The following ZNF813 variants were observed in gnomAD, a reference collection of about 807,000 sequenced individuals.
ZNF813 encodes the protein zinc finger protein 813.
In ZNF813, 3 loss-of-function variants were observed where a neutral mutation model predicts 7.2. The ratio of observed to expected loss-of-function variants is 0.42; its 90% CI spans 0.19 to 1.08. The LOEUF (loss-of-function observed/expected upper bound fraction) is 1.08. Among genes scored for constraint, ZNF813 ranks in the 50% least tolerant of loss-of-function variants. The probability of loss-of-function intolerance (pLI) is 0.30; values close to 1 mark genes in which losing one functional copy is unlikely to be tolerated. For synonymous variants in ZNF813, 227 were observed against 256.3 expected, an observed-to-expected ratio of 0.89 and a Z score of 1.09; for missense variants, 714 against 753.3, an observed-to-expected ratio of 0.95 and a Z score of 0.61.
chr19:53,490,826 T>G lies in ZNF813; in HGVS notation c.594T>G (p.Asn198Lys), dbSNP rs2086456753. 6.2e-7 allele frequency: 1 copy of G among 1,613,996 alleles called. No homozygotes were observed. The highest frequency in any genetic ancestry group is 8.5e-7 in the Non-Finnish European group (1 of 1,179,950). ...ATAACTATGGGAATAATTTCCGGAA[T>G]TCTTCGTTACTCACACAAAAACAGG... ...ISNNYGNNFR[N>K]SSLLTQKQEV... The change falls in exon 4 of 4, where the codon AAT becomes AAG. Residue 198 changes from asparagine to lysine, a missense_variant. Asn to Lys is a moderately conservative substitution (Grantham distance 94). This residue lies in a region of ZNF813 where 563 missense variants were observed against 554.2 expected (regional missense o/e 1.02). Transcript: ENST00000396403.
chr19:53,475,291 G>A (rs1311467362), intron 1 of ZNF813, among the ~76,000 whole-genome samples: 13 of 152,348 alleles, frequency 8.5e-5, no homozygotes, highest in African/African-American at 3.1e-4. Flanking sequence ...CAGAGGCTGA[G>A]CCTCTACTAC....
At chr19:53,479,228 C>T in intron 1 of ZNF813, 1 of 980,658 alleles carries the variant, frequency 1.0e-6, no homozygotes, top group East Asian at 3.0e-5. Context: ...AGCAACCACG[C>T]CCAGCTGAGA....
intron 1 of ZNF813, among the ~76,000 whole-genome samples, chr19:53,471,669 A>G (rs1043141967): frequency 2.6e-5 from 4 of 151,746 alleles, no homozygotes; most frequent in Non-Finnish European, 4.4e-5. Context: ...GCAATTAGCC[A>G]GTCTTGGTGG....
intron 1 of ZNF813, among the ~76,000 whole-genome samples, chr19:53,482,724 T>TG (rs1397241275): frequency 3.1e-5 from 4 of 127,408 alleles, no homozygotes; most frequent in African/African-American, 9.1e-5. Flanking sequence ...TTTTTTTTTT[T>TG]TTTTTTTTTT....
At chr19:53,471,170 G>C (rs986505144) in intron 1 of ZNF813, among the ~76,000 whole-genome samples, 1 of 152,056 alleles carries the variant, frequency 6.6e-6, no homozygotes, top group Non-Finnish European at 1.5e-5. Context: ...CCCTGTTGCA[G>C]TGGGAGTGAG....
At chr19:53,473,681 G>A (rs1286428145) in intron 1 of ZNF813, among the ~76,000 whole-genome samples, 1 of 152,248 alleles carries the variant, frequency 6.6e-6, no homozygotes. Flanking sequence ...TACTGGATCT[G>A]TCAGACTTAT....
In ZNF813 at chr19:53,492,205, GAAAC is replaced by G. The variant is rs964269936; in HGVS notation, c.*122_*125del. ...AATTCATAAGAATTCATACTGGAGA[GAAAC>G]AAGTGTAATGAACGTTGCAAAATTT... On this transcript the variant is annotated 3_prime_UTR_variant, in exon 4 of 4. Transcript: ENST00000396403. 4.2e-5 allele frequency: 62 copies of G among 1,462,578 alleles called. No individual in the cohort carries two copies. The highest frequency in any genetic ancestry group is 1.6e-4 in the Admixed American group (7 of 43,934). 90.6% of individuals were successfully genotyped at this position (1,462,578 alleles called of 1,614,324 possible).
intron 1 of ZNF813, among the ~76,000 whole-genome samples, chr19:53,468,472 G>A (rs1188801666): frequency 6.6e-6 from 1 of 152,200 alleles, no homozygotes; most frequent in Non-Finnish European, 1.5e-5. Flanking sequence ...GCATACGGAG[G>A]ACCGGCACCA....
At chr19:53,475,465 G>A (rs1420503566) in intron 1 of ZNF813, among the ~76,000 whole-genome samples, 7 of 152,284 alleles carry the variant, frequency 4.6e-5, no homozygotes, top group Admixed American at 3.3e-4. Context: ...GTTATGGAGA[G>A]GAGCTGCCTG....
At chr19:53,471,130 T>G (rs1365687324) in intron 1 of ZNF813, among the ~76,000 whole-genome samples, 3 of 152,212 alleles carry the variant, frequency 2.0e-5, no homozygotes, top group Non-Finnish European at 4.4e-5. Context: ...TTCTTTAATT[T>G]TATTGTAGAC....
At chr19:53,484,793 T>C (rs2086424758) in intron 2 of ZNF813, among the ~76,000 whole-genome samples, 1 of 152,260 alleles carries the variant, frequency 6.6e-6, no homozygotes, top group Non-Finnish European at 1.5e-5. Flanking sequence ...CTCAAACTGC[T>C]GATCTCAGGT....
chr19:53,483,341 A>C (rs562424220), intron 1 of ZNF813, among the ~76,000 whole-genome samples: 1 of 151,852 alleles, frequency 6.6e-6, no homozygotes, highest in African/African-American at 2.4e-5. Flanking sequence ...GATGTGCACA[A>C]CCATGCCTGG....
chr19:53,472,441 A>C (rs1384501945), intron 1 of ZNF813, among the ~76,000 whole-genome samples: 1 of 151,928 alleles, frequency 6.6e-6, no homozygotes, highest in Non-Finnish European at 1.5e-5. Context: ...GAAATAGGCC[A>C]TCGGTAAAAG....
intron 1 of ZNF813, among the ~76,000 whole-genome samples, chr19:53,468,741 G>A (rs1160106383): frequency 6.6e-6 from 1 of 152,296 alleles, no homozygotes; most frequent in Admixed American, 6.5e-5. Flanking sequence ...CTCGCCTCCA[G>A]CCACAGGGCG....
In ZNF813 at chr19:53,495,330, A is replaced by T. The variant is rs143329156; in HGVS notation, c.*3244A>T. The stretch of plus-strand genomic sequence containing the variant: ...AACCTCTGCCTCCCGGGTTCAAGTG[A>T]TTCTCCTGTCTCTGCCTCCTTAGTA... On this transcript the variant is annotated 3_prime_UTR_variant, in exon 4 of 4. Transcript: ENST00000396403. 1 of 151,992 alleles carries T rather than the reference A, an allele frequency of 6.6e-6. No homozygotes were observed. The highest frequency in any genetic ancestry group is 2.4e-5 in the African/African-American group (1 of 41,462). 9.4% of individuals were successfully genotyped at this position (151,992 alleles called of 1,614,324 possible). A position where few individuals can be genotyped will look rare whatever the true frequency, so the allele number is the denominator to read the frequency against.
chr19:53,476,381 G>A (rs62115394), intron 1 of ZNF813, among the ~76,000 whole-genome samples: 73,906 of 151,608 alleles, frequency 0.49, 19,578 homozygotes, highest in Non-Finnish European at 0.59. Context: ...CTGTAATCCC[G>A]GCACTTCAGG....
At position 53,490,831 on chromosome 19, in the gene ZNF813, C is replaced by T. The variant is rs762336219; in HGVS notation, c.599C>T (p.Ser200Leu). 9.3e-6 allele frequency: 15 copies of T among 1,614,046 alleles called. No homozygotes were observed. Among genetic ancestry groups the T allele is most frequent in the Middle Eastern group, 1.6e-4 (1 of 6,084 alleles). Residue 200 changes from serine to leucine, a missense_variant, in exon 4 of 4, where the codon TCG becomes TTG. Coordinates refer to ENST00000396403, the MANE Select transcript of ZNF813 (RefSeq NM_001004301.4). The part of the protein sequence containing the change: ...NNYGNNFRNS[S>L]LLTQKQEVHM... ...TATGGGAATAATTTCCGGAATTCTT[C>T]GTTACTCACACAAAAACAGGAGGTA...
chr19:53,469,854 G>C (rs189336134), intron 1 of ZNF813, among the ~76,000 whole-genome samples: 1 of 151,882 alleles, frequency 6.6e-6, no homozygotes, highest in Non-Finnish European at 1.5e-5. Context: ...AGGAGGCGCA[G>C]AGATGGTGTT....
At chr19:53,479,021 G>C (rs2086394862) in intron 1 of ZNF813, among the ~76,000 whole-genome samples, 1 of 151,374 alleles carries the variant, frequency 6.6e-6, no homozygotes, top group Non-Finnish European at 1.5e-5. Flanking sequence ...TGCAACCTCT[G>C]CCTCCTGGGT....
Sources: allele counts gnomAD v4.1 joint callset (sites outside exome capture counted in the v4.1 genomes callset), GRCh38; gene constraint gnomAD v4.1.1; regional missense constraint gnomAD v4.1.1; transcripts MANE v1.5; gene names NCBI Gene and HGNC (gene_info 2026-07-23, HGNC 2026-07-21).